Variants in DENND1B observed in about 807,000 individuals in gnomAD.
DENND1B encodes DENN domain containing 1B.
A neutral mutation model predicts 90.1 loss-of-function variants in DENND1B; 59 were observed. That is an observed-to-expected ratio of 0.65 (90% confidence interval 0.53 to 0.81). DENND1B has a LOEUF of 0.81. Among genes scored for constraint, DENND1B ranks in the 40% least tolerant of loss-of-function variants. DENND1B has a pLI of 0.00. For synonymous variants in DENND1B, 337 were observed against 324.6 expected, an observed-to-expected ratio of 1.04 and a Z score of -0.41; for missense variants, 862 against 912.6, an observed-to-expected ratio of 0.94 and a Z score of 0.71.
intron 20 of DENND1B, among the ~76,000 whole-genome samples, chr1:197,516,866 A>G (rs1469015148): frequency 2.6e-5 from 4 of 151,964 alleles, no homozygotes; most frequent in African/African-American, 7.2e-5. Context: ...CACACAATAA[A>G]AATAAAAAAT....
intron 10 of DENND1B, among the ~76,000 whole-genome samples, chr1:197,622,965 T>C (rs1249253264): frequency 1.3e-5 from 2 of 151,354 alleles, no homozygotes; most frequent in Non-Finnish European, 3.0e-5. Flanking sequence ...TCTAGTATAA[T>C]CACCACTATG....
chr1:197,605,876 T>C (rs563756447), intron 13 of DENND1B: 34 of 151,248 alleles, frequency 2.2e-4, no homozygotes, highest in African/African-American at 8.2e-4. Flanking sequence ...AAAATCATAT[T>C]TTTCCTATCA....
intron 2 of DENND1B, among the ~76,000 whole-genome samples, chr1:197,746,094 C>A (rs993571643): frequency 6.6e-6 from 1 of 152,128 alleles, no homozygotes; most frequent in Non-Finnish European, 1.5e-5. Context: ...ACACTGGATA[C>A]AGATAAGAAA....
chr1:197,572,253 C>T (rs1365710706), intron 15 of DENND1B, among the ~76,000 whole-genome samples: 1 of 152,136 alleles, frequency 6.6e-6, no homozygotes. Flanking sequence ...ATCAGCAGAC[C>T]AGGAGAGTCT....
At chr1:197,550,365 G>T (rs1360149131) in intron 16 of DENND1B, among the ~76,000 whole-genome samples, 1 of 152,084 alleles carries the variant, frequency 6.6e-6, no homozygotes, top group African/African-American at 2.4e-5. Context: ...ACTACTGGCT[G>T]TGTGACCTTG....
Position 197,642,755 on chromosome 1 carries a change from G to C in DENND1B, c.628C>G (p.Leu210Val). 6.2e-7 allele frequency: 1 copy of C among 1,613,574 alleles called. No individual in the cohort carries two copies. Among genetic ancestry groups the C allele is most frequent in the Non-Finnish European group, 8.5e-7 (1 of 1,179,770 alleles). Residue 210 changes from leucine to valine, a missense_variant, in exon 10 of 23, where the codon CTG becomes GTG. Leu to Val is a conservative substitution (Grantham distance 32). Coordinates refer to ENST00000620048, the MANE Select transcript of DENND1B (RefSeq NM_001195215.2). The stretch of plus-strand genomic sequence containing the variant: ...ATAATCACGATGCGCCTTTCATGCA[G>C]CATACTGGCATACAGCTGCAGCATG... ...NNMLQLYASM[L>V]HERRIVIISS... is the part of the protein sequence containing the mutation.
At chr1:197,619,487 C>T (rs1406195808) in intron 10 of DENND1B, among the ~76,000 whole-genome samples, 3 of 151,116 alleles carry the variant, frequency 2.0e-5, no homozygotes, top group African/African-American at 7.3e-5. Context: ...AATCTGCACA[C>T]AGATGACTTT....
intron 10 of DENND1B, among the ~76,000 whole-genome samples, chr1:197,622,173 G>T (rs535323065): frequency 4.1e-4 from 62 of 151,430 alleles, no homozygotes; most frequent in African/African-American, 1.5e-3. Flanking sequence ...CATAGGTAGT[G>T]CCATTGAAAA....
At chr1:197,776,783 G>T (rs1175790769), upstream of DENND1B, among the ~76,000 whole-genome samples, 2 of 151,540 alleles carry the variant, frequency 1.3e-5, no homozygotes, top group East Asian at 3.9e-4. Context: ...GGGCCTGTTA[G>T]TAAAAAATGA....
At chr1:197,762,631 G>T (rs988659640) in intron 2 of DENND1B, among the ~76,000 whole-genome samples, 2 of 151,978 alleles carry the variant, frequency 1.3e-5, no homozygotes, top group Non-Finnish European at 2.9e-5. Flanking sequence ...TCCTCATATT[G>T]TATATTGGAT....
intron 2 of DENND1B, among the ~76,000 whole-genome samples, chr1:197,742,302 T>A (rs1197890154): frequency 1.3e-5 from 2 of 152,214 alleles, no homozygotes; most frequent in Non-Finnish European, 2.9e-5. Context: ...AGAATTTTTA[T>A]ACTTTAGTCT....
At chr1:197,650,451 A>C (rs1653003497) in intron 7 of DENND1B, among the ~76,000 whole-genome samples, 1 of 152,196 alleles carries the variant, frequency 6.6e-6, no homozygotes, top group South Asian at 2.1e-4. Context: ...ATGAAAAAAC[A>C]GTGTTGAGAT....
intron 15 of DENND1B, among the ~76,000 whole-genome samples, chr1:197,570,934 C>G (rs574166650): frequency 1.7e-4 from 26 of 152,132 alleles, no homozygotes; most frequent in African/African-American, 6.3e-4. Flanking sequence ...AGGTTCATAA[C>G]CTATTGAGAA....
chr1:197,620,676 A>G (rs1558314639), intron 10 of DENND1B, among the ~76,000 whole-genome samples: 1 of 151,300 alleles, frequency 6.6e-6, no homozygotes. Flanking sequence ...TAATTATGCA[A>G]CTGAAAATAT....
chr1:197,750,671 T>G (rs2102408287), intron 2 of DENND1B, among the ~76,000 whole-genome samples: 1 of 152,214 alleles, frequency 6.6e-6, no homozygotes, highest in African/African-American at 2.4e-5. Flanking sequence ...GAAAAAGAAT[T>G]TCATGCAAAC....
chr1:197,707,194 T>C (rs1346495553), intron 3 of DENND1B, among the ~76,000 whole-genome samples: 2 of 152,150 alleles, frequency 1.3e-5, no homozygotes, highest in Non-Finnish European at 2.9e-5. Context: ...TCACTCATAT[T>C]GGAAGCTTAA....
Position 197,642,803 on chromosome 1 carries a change from A to C in DENND1B, c.580T>G (p.Phe194Val). 6.2e-7 allele frequency: 1 copy of C among 1,612,826 alleles called. No individual in the cohort carries two copies. Among genetic ancestry groups the C allele is most frequent in the Non-Finnish European group, 8.5e-7 (1 of 1,179,348 alleles). ...ATGTTGTTCACATCCACGGCAACAAAATATTCTGTAAGATTTCTCTGTACA... is the reference window on the plus strand; with the variant it reads ...ATGTTGTTCACATCCACGGCAACAACATATTCTGTAAGATTTCTCTGTACA... ...IPESRNLTEY[F>V]VAVDVNNMLQ... Residue 194 changes from phenylalanine (F) to valine (V), a missense_variant, in exon 10 of 23, where the codon TTT (phenylalanine) becomes GTT (valine). By Grantham distance (50) the Phe-to-Val change is conservative. Transcript: ENST00000620048.
At position 197,674,115 on chromosome 1, in the gene DENND1B, T is replaced by C. The variant is rs777795432; in HGVS notation, c.176+5A>G. ...CATTTATTTTAAATGATACTTATACTGTACCTTTCAACGTCAAAGGGAAAA... is the reference window on the plus strand; with the variant it reads ...CATTTATTTTAAATGATACTTATACCGTACCTTTCAACGTCAAAGGGAAAA... On this transcript the variant is annotated splice_donor_5th_base_variant and intron_variant, in intron 4 of 22. Coordinates refer to ENST00000620048, the MANE Select transcript of DENND1B (RefSeq NM_001195215.2). 2.5e-6 allele frequency: 4 copies of C among 1,587,210 alleles called. No individual in the cohort carries two copies. In the South Asian group the frequency reaches 3.4e-5, roughly 13 times the overall value.
At chr1:197,546,861 AT>A in intron 16 of DENND1B, 88 bp from the exon 17 acceptor site, 1 of 1,183,234 alleles carries the variant, frequency 8.5e-7, no homozygotes, top group Non-Finnish European at 1.2e-6. Flanking sequence ...TATTTGCACA[AT>A]TTTTAGTAGG....
Sources: allele counts gnomAD v4.1 joint callset (sites outside exome capture counted in the v4.1 genomes callset), GRCh38; gene constraint gnomAD v4.1.1; transcripts MANE v1.5; gene names NCBI Gene and HGNC (gene_info 2026-07-23, HGNC 2026-07-21).